Variants in EXT2 observed in about 807,000 individuals in gnomAD.
The protein encoded by EXT2 is exostosin-2.
EXT2 carries 53 observed loss-of-function variants against 81.6 expected under a neutral mutation model. The observed-to-expected ratio is 0.65, with a 90% confidence interval of 0.52 to 0.82. The LOEUF (loss-of-function observed/expected upper bound fraction) is 0.82, where lower values mean the gene tolerates loss of function less well. EXT2 is among the 40% of genes least tolerant of loss of function. The probability of loss-of-function intolerance (pLI) is 0.00; values close to 1 mark genes in which losing one functional copy is unlikely to be tolerated. For missense variants in EXT2, 774 were observed against 910.2 expected, an observed-to-expected ratio of 0.85 and a Z score of 1.93; for synonymous variants, 320 against 340.0, an observed-to-expected ratio of 0.94 and a Z score of 0.65.
chr11:44,151,630 C>G (rs1954793427), intron 7 of EXT2, among the ~76,000 whole-genome samples: 1 of 152,148 alleles, frequency 6.6e-6, no homozygotes, highest in Admixed American at 6.5e-5. Flanking sequence ...TGAAGGGCAT[C>G]TTGATTCCTT....
chr11:44,239,272 G>T (rs2135273663), intron 13 of EXT2, among the ~76,000 whole-genome samples: 1 of 152,204 alleles, frequency 6.6e-6, no homozygotes, highest in East Asian at 1.9e-4. Flanking sequence ...TTAGGGGAGA[G>T]ATTAGAGTGA....
At chr11:44,202,870 G>C (rs982439318) in intron 9 of EXT2, among the ~76,000 whole-genome samples, 2 of 152,160 alleles carry the variant, frequency 1.3e-5, no homozygotes, top group African/African-American at 4.8e-5. Flanking sequence ...ATCTGAAGCT[G>C]TTTCCAAAGA....
Position 44,119,169 on chromosome 11 carries a change from T to TACATATATATATATATATAC in EXT2, c.743+4871_743+4872insTATATATATATATATACACA, listed in dbSNP as rs1954278270. ...ATATATATATATATATATATATATA[T>TACATATATATATATATATAC]ACACATACACACACACACACACACA... On this transcript the variant is annotated intron_variant, in intron 4 of 13. Transcript: ENST00000533608. Among the ~76,000 whole-genome samples the TACATATATATATATATATAC allele has an allele frequency of 9.5e-5, 6 of 63,156 alleles. No homozygotes were observed. The South Asian group carries it at 2.8e-3, about 30-fold the overall frequency. The allele number at this position is 63,156 out of a possible 152,430, so 41.4% of individuals were successfully genotyped here.
intron 7 of EXT2, among the ~76,000 whole-genome samples, chr11:44,143,736 C>A (rs1166244316): frequency 1.3e-5 from 2 of 151,898 alleles, no homozygotes; most frequent in Non-Finnish European, 2.9e-5. Flanking sequence ...TGGTATTGGA[C>A]CTACACGATT....
chr11:44,145,788 G>C (rs991272077), intron 7 of EXT2, among the ~76,000 whole-genome samples: 1 of 152,124 alleles, frequency 6.6e-6, no homozygotes. Flanking sequence ...CTTGTTTAGA[G>C]TACTCTTGAA....
At chr11:44,215,391 T>A (rs997577103) in intron 10 of EXT2, among the ~76,000 whole-genome samples, 15 of 152,232 alleles carry the variant, frequency 9.9e-5, no homozygotes, top group Admixed American at 3.3e-4. Flanking sequence ...TTGCTTACTT[T>A]TGTCAGATTT....
At chr11:44,101,621 A>G (rs2134949577) in intron 1 of EXT2, among the ~76,000 whole-genome samples, 1 of 152,208 alleles carries the variant, frequency 6.6e-6, no homozygotes, top group South Asian at 2.1e-4. Context: ...TATTCCTTTC[A>G]CTCTGCTAAT....
chr11:44,163,122 G>A (rs1954949107), intron 7 of EXT2, among the ~76,000 whole-genome samples: 1 of 152,106 alleles, frequency 6.6e-6, no homozygotes, highest in African/African-American at 2.4e-5. Context: ...TGGTAACATG[G>A]GCATAGTAAA....
At chr11:44,100,897 T>G (rs1411764070) in intron 1 of EXT2, among the ~76,000 whole-genome samples, 3 of 152,050 alleles carry the variant, frequency 2.0e-5, no homozygotes, top group Non-Finnish European at 2.9e-5. Flanking sequence ...TATGCACCTC[T>G]CTGATGCAGA....
intron 12 of EXT2, among the ~76,000 whole-genome samples, chr11:44,235,272 G>A (rs905926872): frequency 1.8e-5 from 2 of 109,346 alleles, no homozygotes; most frequent in Non-Finnish European, 3.3e-5. Context: ...GTCTTGCTCT[G>A]TCACCAGGCT....
chr11:44,120,852 C>G (rs912424349), intron 4 of EXT2, among the ~76,000 whole-genome samples: 1 of 152,198 alleles, frequency 6.6e-6, no homozygotes, highest in Non-Finnish European at 1.5e-5. Flanking sequence ...ACAACTGTTA[C>G]TATTGAGGGA....
At chr11:44,117,746 C>T (rs906797139) in intron 4 of EXT2, among the ~76,000 whole-genome samples, 10 of 152,130 alleles carry the variant, frequency 6.6e-5, no homozygotes, top group African/African-American at 2.2e-4. Context: ...GTAAGTTCTC[C>T]AACTTTGTTC....
rs1392948553 is a variant in EXT2, at chr11:44,099,936, G to A, written c.-31+4084G>A. Among the ~76,000 whole-genome samples the A allele has an allele frequency of 3.9e-5, 6 of 152,108 alleles. 1 individual carries two copies. The highest frequency in any genetic ancestry group is 3.9e-4 in the Admixed American group (6 of 15,272). ...ATTCCTCAGAGTTTGATACAGATGT[G>A]TGGGAGTTCGCTTAGCTTGTGTCGA... is the stretch of plus-strand genomic sequence containing the variant. On this transcript the variant is annotated intron_variant, in intron 1 of 13. Transcript: ENST00000533608.
chr11:44,182,034 T>TG (rs1421806607), intron 8 of EXT2, among the ~76,000 whole-genome samples: 1 of 152,154 alleles, frequency 6.6e-6, no homozygotes, highest in Non-Finnish European at 1.5e-5. Context: ...CTTTCTGTTT[T>TG]GGGGGTTGGG....
intron 9 of EXT2, among the ~76,000 whole-genome samples, chr11:44,202,003 G>A (rs1213918472): frequency 6.6e-6 from 1 of 152,190 alleles, no homozygotes; most frequent in Non-Finnish European, 1.5e-5. Context: ...ACATGAAACT[G>A]AGAATTCTAT....
At chr11:44,111,252 TA>T (rs1001558935) in intron 3 of EXT2, among the ~76,000 whole-genome samples, 27 of 151,512 alleles carry the variant, frequency 1.8e-4, no homozygotes, top group South Asian at 6.3e-4. Flanking sequence ...CTCTTTCAAT[TA>T]AAAAAAAATC....
At chr11:44,127,055 T>A in intron 6 of EXT2, 100 bp downstream of exon 6, 1 of 1,436,076 alleles carries the variant, frequency 7.0e-7, no homozygotes, top group Non-Finnish European at 9.8e-7. Flanking sequence ...GTTCAAGAAC[T>A]ACTACAGATA....
intron 10 of EXT2, among the ~76,000 whole-genome samples, chr11:44,231,652 A>T (rs1955900072): frequency 6.6e-6 from 1 of 152,190 alleles, no homozygotes; most frequent in East Asian, 1.9e-4. Context: ...CTAGCCAACA[A>T]ATTGTTATAC....
At chr11:44,166,122 A>C (rs1954990679) in intron 7 of EXT2, among the ~76,000 whole-genome samples, 1 of 152,258 alleles carries the variant, frequency 6.6e-6, no homozygotes, top group African/African-American at 2.4e-5. Flanking sequence ...AGGAACTCAC[A>C]GTCTAGCTGG....
Sources: allele counts gnomAD v4.1 joint callset (sites outside exome capture counted in the v4.1 genomes callset), GRCh38; gene constraint gnomAD v4.1.1; transcripts MANE v1.5; gene names NCBI Gene and HGNC (gene_info 2026-07-23, HGNC 2026-07-21).